The following UGT2A1 variants were observed in gnomAD, a reference collection of about 807,000 sequenced individuals.
UGT2A1 encodes UDP glucuronosyltransferase family 2 member A1 complex locus.
UGT2A1 carries 61 observed loss-of-function variants against 45.4 expected under a neutral mutation model. The ratio of observed to expected loss-of-function variants is 1.34; its 90% confidence interval spans 1.09 to 1.66. The LOEUF is 1.66. Ranked by LOEUF, UGT2A1 falls within the 40% of genes most tolerant of loss-of-function variation. The probability of loss-of-function intolerance (pLI) is 0.00; values close to 1 mark genes in which losing one functional copy is unlikely to be tolerated. For missense variants in UGT2A1, 649 were observed against 574.3 expected, an observed-to-expected ratio of 1.13 and a Z score of -1.33; for synonymous variants, 229 against 196.2, an observed-to-expected ratio of 1.17 and a Z score of -1.40.
chr4:69,619,384 A>G (rs1286634645), intron 3 of UGT2A1, among the ~76,000 whole-genome samples: 1 of 151,828 alleles, frequency 6.6e-6, no homozygotes, highest in East Asian at 1.9e-4. Flanking sequence ...TGGGTGACAG[A>G]GCAAAATCTT....
chr4:69,633,371 G>C (rs1389525931), intron 3 of UGT2A1, among the ~76,000 whole-genome samples: 1 of 152,148 alleles, frequency 6.6e-6, no homozygotes, highest in Non-Finnish European at 1.5e-5. Context: ...ATGGCTAGTA[G>C]GTTTACTAGT....
intron 4 of UGT2A1, chr4:69,596,366 T>C: frequency 2.5e-6 from 4 of 1,598,166 alleles, no homozygotes; most frequent in Non-Finnish European, 3.4e-6. Flanking sequence ...GAGCTCTGGA[T>C]AAATTCTTCC....
At chr4:69,596,553 C>G (rs542574306) in intron 4 of UGT2A1, among the ~76,000 whole-genome samples, 2 of 152,192 alleles carry the variant, frequency 1.3e-5, no homozygotes. Context: ...GGCAGAGTCT[C>G]GCTCTGTCGC....
chr4:69,599,583 G>A, intron 3 of UGT2A1, 189 bp from the exon 4 acceptor site: 8 of 813,892 alleles, frequency 9.8e-6, no homozygotes, highest in South Asian at 3.8e-5. Flanking sequence ...GAAGGAGGAA[G>A]GAAGAAAAGA....
At chr4:69,640,457 T>A (rs1434859108) in intron 2 of UGT2A1, among the ~76,000 whole-genome samples, 3 of 151,980 alleles carry the variant, frequency 2.0e-5, no homozygotes, top group Admixed American at 6.6e-5. Context: ...AGCTACAGAA[T>A]GACTGGCTAG....
chr4:69,622,794 G>A (rs970684706), intron 3 of UGT2A1, among the ~76,000 whole-genome samples: 2 of 151,696 alleles, frequency 1.3e-5, no homozygotes, highest in African/African-American at 2.4e-5. Flanking sequence ...GAATATAGAC[G>A]TTCAAGGTCC....
intron 2 of UGT2A1, among the ~76,000 whole-genome samples, chr4:69,639,960 AG>A (rs1721964798): frequency 6.6e-6 from 1 of 152,026 alleles, no homozygotes; most frequent in Non-Finnish European, 1.5e-5. Context: ...CAACTTTCAG[AG>A]GAAGTTTGCT....
chr4:69,599,017 A>G (rs1719096995), intron 4 of UGT2A1, among the ~76,000 whole-genome samples: 1 of 152,096 alleles, frequency 6.6e-6, no homozygotes, highest in African/African-American at 2.4e-5. Flanking sequence ...ACACACTGAT[A>G]TTTGTAACAC....
At chr4:69,650,548 T>C (rs1164803263) in intron 1 of UGT2A1, among the ~76,000 whole-genome samples, 1 of 151,788 alleles carries the variant, frequency 6.6e-6, no homozygotes, top group Admixed American at 6.6e-5. Context: ...TATAAAGTAA[T>C]AAAATAAAAT....
intron 3 of UGT2A1, chr4:69,599,708 A>G: frequency 9.8e-6 from 2 of 203,406 alleles, no homozygotes; most frequent in South Asian, 1.5e-4. Context: ...AGAGAGAGAG[A>G]GGAAGAGAGA....
At chr4:69,589,780 A>T (rs1357408158) in intron 6 of UGT2A1, 129 bp from the exon 7 acceptor site, 1 of 1,341,450 alleles carries the variant, frequency 7.5e-7, no homozygotes, top group Non-Finnish European at 1.0e-6. Context: ...TAATTCTTGC[A>T]TGAACTTTGT....
At chr4:69,645,164 A>G (rs1220466444) in intron 2 of UGT2A1, among the ~76,000 whole-genome samples, 1 of 151,718 alleles carries the variant, frequency 6.6e-6, no homozygotes, top group African/African-American at 2.4e-5. Context: ...GTTATCAGTA[A>G]CGAATGCACA....
rs189133276 is a variant in UGT2A1 at position 69,617,511 on chromosome 4, A to C, written c.848-18117T>G. On this transcript the variant is annotated intron_variant, in intron 3 of 6. Transcript: ENST00000286604. ...CAAAACCAAGATGAACACACACAACATATTTAATAGGAAATATTGTAGCCA... is the reference window on the plus strand; with the variant it reads ...CAAAACCAAGATGAACACACACAACCTATTTAATAGGAAATATTGTAGCCA... Among the ~76,000 whole-genome samples the C allele has an allele frequency of 2.1e-3, 312 of 152,060 alleles. 2 individuals carry two copies. Among genetic ancestry groups the C allele is most frequent in the African/African-American group, 7.3e-3 (302 of 41,542 alleles).
At chr4:69,617,753 T>C (rs1720489291) in intron 3 of UGT2A1, among the ~76,000 whole-genome samples, 1 of 151,848 alleles carries the variant, frequency 6.6e-6, no homozygotes, top group African/African-American at 2.4e-5. Flanking sequence ...AATATTGCCA[T>C]TATAATACAC....
At chr4:69,651,905 C>G (rs1722542225) in intron 1 of UGT2A1, among the ~76,000 whole-genome samples, 1 of 152,100 alleles carries the variant, frequency 6.6e-6, no homozygotes, top group South Asian at 2.1e-4. Flanking sequence ...GGCAGCCCAC[C>G]CTAAGGGAAG....
At chr4:69,631,273 T>C (rs778298022) in intron 3 of UGT2A1, among the ~76,000 whole-genome samples, 2 of 151,864 alleles carry the variant, frequency 1.3e-5, no homozygotes, top group Admixed American at 1.3e-4. Flanking sequence ...TCTTCCCATA[T>C]TTTTTCAAAA....
intron 1 of UGT2A1, among the ~76,000 whole-genome samples, chr4:69,651,836 C>G (rs1722538709): frequency 6.6e-6 from 1 of 152,200 alleles, no homozygotes; most frequent in African/African-American, 2.4e-5. Context: ...ATATATACAA[C>G]TTCCTAAACA....
chr4:69,638,875 A>G, intron 2 of UGT2A1: 2 of 1,527,410 alleles, frequency 1.3e-6, no homozygotes, highest in African/African-American at 1.4e-5. Flanking sequence ...TGGAGTCATT[A>G]AAAAGAGAAA....
At chr4:69,650,415 T>C (rs764132375) in intron 1 of UGT2A1, among the ~76,000 whole-genome samples, 1 of 152,150 alleles carries the variant, frequency 6.6e-6, no homozygotes, top group Non-Finnish European at 1.5e-5. Flanking sequence ...ATTAAAAACA[T>C]AATTTAGATT....
Sources: gnomAD v4.1 joint callset for allele counts (sites outside exome capture counted in the v4.1 genomes callset) on GRCh38, gnomAD v4.1.1 for gene constraint, MANE v1.5 for transcripts, NCBI Gene and HGNC (gene_info 2026-07-23, HGNC 2026-07-21) for gene names.